MTOR: variants seen among roughly 807,000 people sequenced by gnomAD.
The protein encoded by MTOR is mechanistic target of rapamycin kinase, also known as serine/threonine-protein kinase mTOR.
MTOR carries 70 observed loss-of-function variants against 319.8 expected under a neutral mutation model. The observed-to-expected ratio is 0.22, with a 90% CI of 0.18 to 0.27. MTOR has a LOEUF of 0.27. Among genes scored for constraint, MTOR ranks in the 10% least tolerant of loss-of-function variants. The probability of loss-of-function intolerance (pLI) is 1.00; values close to 1 mark genes in which losing one functional copy is unlikely to be tolerated. For synonymous variants in MTOR, 1,183 were observed against 1,211.4 expected, an observed-to-expected ratio of 0.98 and a Z score of 0.49; for missense variants, 1,890 against 3,274.4, an observed-to-expected ratio of 0.58 and a Z score of 10.32.
intron 28 of MTOR, among the ~76,000 whole-genome samples, chr1:11,181,395 G>T (rs1377731316): frequency 6.6e-6 from 1 of 152,056 alleles, no homozygotes; most frequent in Non-Finnish European, 1.5e-5. Flanking sequence ...TGTAGTGGTG[G>T]GCACCTGTAA....
intron 28 of MTOR, 65 bp from the exon 29 acceptor site, chr1:11,167,582 ATT>A: frequency 7.9e-7 from 1 of 1,264,360 alleles, no homozygotes; most frequent in Non-Finnish European, 1.1e-6. Flanking sequence ...TGTGGGGGTC[ATT>A]TGTGGGCAGA....
At chr1:11,254,293 C>T (rs995540991) in intron 5 of MTOR, among the ~76,000 whole-genome samples, 5 of 152,126 alleles carry the variant, frequency 3.3e-5, no homozygotes, top group South Asian at 2.1e-4. Flanking sequence ...GCACACACTA[C>T]CACGCCTGGC....
chr1:11,132,796 G>C, intron 38 of MTOR: 2 of 327,032 alleles, frequency 6.1e-6, no homozygotes, highest in Non-Finnish European at 1.1e-5. Flanking sequence ...GATGCTCCCA[G>C]GAAAACAAGC....
intron 30 of MTOR, among the ~76,000 whole-genome samples, chr1:11,154,296 T>TGCC (rs1472739757): frequency 1.3e-5 from 2 of 151,272 alleles, no homozygotes; most frequent in Non-Finnish European, 2.9e-5. Flanking sequence ...TTGTTGTTGT[T>TGCC]GCCCAGGCTA....
chr1:11,241,407 T>TA (rs1648009969), intron 10 of MTOR, 146 bp downstream of exon 10: 1 of 776,342 alleles, frequency 1.3e-6, no homozygotes, highest in South Asian at 4.1e-5. Context: ...AAACTAGGAT[T>TA]CAGTACTAGC....
rs1650521274 is a variant in MTOR, at chr1:11,257,271, C to T, written c.272-106G>A. 4.4e-6 allele frequency: 4 copies of T among 915,636 alleles called. No individual in the cohort carries two copies. The Admixed American group carries it at 8.8e-5, about 20-fold the overall frequency. The allele number at this position is 915,636 out of a possible 1,614,324, so 56.7% of individuals were successfully genotyped here. A position where few individuals can be genotyped will look rare whatever the true frequency, so the allele number is the denominator to read the frequency against. On this transcript the variant is annotated intron_variant, in intron 3 of 57. Transcript: ENST00000361445. ...TGAGTGCCGGCCAGGCACGGTGGCT[C>T]AAGTCTGTAATCCTAGCACTTTGGG...
rs916627100 is a variant in MTOR at position 11,243,124 on chromosome 1, A to T, written c.1402T>A (p.Phe468Ile). The change falls in exon 9 of 58, where the codon TTC becomes ATC. Residue 468 changes from phenylalanine (F) to isoleucine (I), a missense_variant. By Grantham distance (21) the Phe-to-Ile change is conservative. Around this residue, in one of 15 missense-constraint regions of MTOR, gnomAD observed 418 missense variants for 543.1 expected, o/e 0.77. Transcript: ENST00000361445. ...AACAGAGGTGCTTACTTATGGGCGA[A>T]GTCCTTTGGGGGCAGGGCCGCTCGG... ...IIRAALPPKD[F>I]AHKRQKAMQV... 4 of 1,614,020 alleles carry T rather than the reference A, an allele frequency of 2.5e-6. No individual in the cohort carries two copies. In the African/African-American group the frequency reaches 4.0e-5, roughly 16 times the overall value.
At chr1:11,159,105 T>A (rs1365829882) in intron 29 of MTOR, among the ~76,000 whole-genome samples, 3 of 152,226 alleles carry the variant, frequency 2.0e-5, no homozygotes, top group Non-Finnish European at 4.4e-5. Context: ...GTATAAACCA[T>A]CTGCTGGCAG....
In MTOR at chr1:11,259,106, T is replaced by C. The variant is rs376320889; in HGVS notation, c.162+142A>G. On this transcript the variant is annotated intron_variant, in intron 2 of 57. Coordinates refer to ENST00000361445, the MANE Select transcript of MTOR (RefSeq NM_004958.4). Reference sequence around the variant, plus strand: ...GCTGCAAAAGAACCTGCATGTTTTATGGATGTGACAGGTTGGGTGCCTTTA... The same window carrying C: ...GCTGCAAAAGAACCTGCATGTTTTACGGATGTGACAGGTTGGGTGCCTTTA... 1.1e-5 allele frequency: 11 copies of C among 1,008,110 alleles called. No homozygotes were observed. The East Asian group carries it at 1.7e-4, about 16-fold the overall frequency. The allele number at this position is 1,008,110 out of a possible 1,614,324, so 62.4% of individuals were successfully genotyped here. A position where few individuals can be genotyped will look rare whatever the true frequency, so the allele number is the denominator to read the frequency against.
chr1:11,210,964 A>C lies in MTOR; in HGVS notation c.3562-58T>G. ...TCATTTTGGAGAGTGGAGAAAAAGT[A>C]GAGGAAAAAATATTATACAACTACA... On this transcript the variant is annotated intron_variant, in intron 23 of 57. Coordinates refer to ENST00000361445, the MANE Select transcript of MTOR (RefSeq NM_004958.4). 2.8e-6 allele frequency: 3 copies of C among 1,061,936 alleles called. No homozygotes were observed. In the South Asian group the frequency reaches 3.9e-5, roughly 14 times the overall value. 65.8% of individuals were successfully genotyped at this position (1,061,936 alleles called of 1,614,324 possible). A position where few individuals can be genotyped will look rare whatever the true frequency, so the allele number is the denominator to read the frequency against.
chr1:11,157,038 A>C, intron 30 of MTOR, 114 bp downstream of exon 30: 1 of 1,341,402 alleles, frequency 7.5e-7, no homozygotes, highest in East Asian at 2.4e-5. Flanking sequence ...ATCAAGTGGA[A>C]CAAAATGAGT....
At chr1:11,217,680 C>T (rs1339517726) in intron 19 of MTOR, among the ~76,000 whole-genome samples, 2 of 151,280 alleles carry the variant, frequency 1.3e-5, no homozygotes, top group African/African-American at 2.4e-5. Context: ...CAAAGTGCTG[C>T]GATTACAGTC....
At chr1:11,205,509 A>T (rs1483675300) in intron 25 of MTOR, among the ~76,000 whole-genome samples, 2 of 152,246 alleles carry the variant, frequency 1.3e-5, no homozygotes, top group East Asian at 3.8e-4. Flanking sequence ...TAATGAATTT[A>T]TAACAGTGCT....
chr1:11,225,983 C>A (rs1406997022), intron 19 of MTOR, among the ~76,000 whole-genome samples: 1 of 152,072 alleles, frequency 6.6e-6, no homozygotes, highest in Non-Finnish European at 1.5e-5. Flanking sequence ...AAATTATAGA[C>A]CAATTCAATC....
intron 28 of MTOR, among the ~76,000 whole-genome samples, chr1:11,183,081 T>C (rs4845980): frequency 0.037 from 5,600 of 152,312 alleles, 117 homozygotes; most frequent in Middle Eastern, 0.051. Context: ...TTTCTACCAA[T>C]AGGACATGAA....
chr1:11,214,535 T>C (rs1646408612), intron 20 of MTOR, among the ~76,000 whole-genome samples: 1 of 152,074 alleles, frequency 6.6e-6, no homozygotes, highest in Admixed American at 6.6e-5. Flanking sequence ...CACATGAATG[T>C]TAATATTCTT....
At chr1:11,218,721 A>C (rs1455797672) in intron 19 of MTOR, among the ~76,000 whole-genome samples, 3 of 152,144 alleles carry the variant, frequency 2.0e-5, no homozygotes, top group Non-Finnish European at 4.4e-5. Flanking sequence ...CTCAATGCTG[A>C]GTAGAGAGCT....
intron 8 of MTOR, among the ~76,000 whole-genome samples, chr1:11,245,031 C>T (rs943405900): frequency 1.3e-5 from 2 of 152,190 alleles, no homozygotes; most frequent in Middle Eastern, 3.2e-3. Flanking sequence ...TTGCAATAAA[C>T]AGGCCATTCC....
chr1:11,155,972 A>G (rs1300730996), intron 30 of MTOR, among the ~76,000 whole-genome samples: 1 of 152,104 alleles, frequency 6.6e-6, no homozygotes, highest in African/African-American at 2.4e-5. Context: ...ACTTTGTTTT[A>G]GTCATTTATT....
Sources: gnomAD v4.1 joint callset for allele counts (sites outside exome capture counted in the v4.1 genomes callset) on GRCh38, gnomAD v4.1.1 for gene constraint, gnomAD v4.1.1 regional missense constraint, MANE v1.5 for transcripts, NCBI Gene and HGNC (gene_info 2026-07-23, HGNC 2026-07-21) for gene names.